NCOA2: variants seen among roughly 807,000 people sequenced by gnomAD.
The protein encoded by NCOA2 is nuclear receptor coactivator 2, also known as class E basic helix-loop-helix protein 75.
NCOA2 carries 21 observed loss-of-function variants against 145.1 expected under a neutral mutation model. The observed-to-expected ratio is 0.14, with a 90% CI of 0.10 to 0.21. NCOA2 has a LOEUF of 0.21. Ranked by LOEUF, NCOA2 falls within the 10% of genes least tolerant of loss-of-function variation. The pLI, the probability that NCOA2 is intolerant of heterozygous loss-of-function variation, is 1.00. For missense variants in NCOA2, 1,472 were observed against 1,837.6 expected (o/e 0.80, Z 3.64); for synonymous variants, 619 against 637.5 (o/e 0.97, Z 0.44).
rs989061068 is a variant in NCOA2, at chr8:70,170,239, G to A, written c.504C>T (p.His168=). Reference sequence around the variant, plus strand: ...GCAGCAGGTTTTTGACAAATTCCGTGTGGTCCCCAACATGCAAGATGCTAT... The same window carrying A: ...GCAGCAGGTTTTTGACAAATTCCGTATGGTCCCCAACATGCAAGATGCTAT... ...SVYSILHVGD[H]TEFVKNLLPK... The change falls in exon 6 of 23, where the codon CAC becomes CAT. Residue 168 remains histidine, a synonymous_variant. Coordinates refer to ENST00000452400, the MANE Select transcript of NCOA2 (RefSeq NM_006540.4). 9 of 1,613,472 alleles carry A rather than the reference G, an allele frequency of 5.6e-6. No individual in the cohort carries two copies. Among genetic ancestry groups the A allele is most frequent in the Non-Finnish European group, 7.6e-6 (9 of 1,179,732 alleles).
chr8:70,443,621 C>T, the NCOA2 span, among the ~76,000 whole-genome samples: 3 of 152,028 alleles, frequency 2.0e-5, no homozygotes, highest in African/African-American at 7.2e-5. Flanking sequence ...AGTGCACTGG[C>T]ATGATCAGAC....
At chr8:70,278,530 T>G (rs541824750) in intron 2 of NCOA2, among the ~76,000 whole-genome samples, 1 of 152,146 alleles carries the variant, frequency 6.6e-6, no homozygotes, top group Non-Finnish European at 1.5e-5. Context: ...AGTCACTTCC[T>G]AGAATCCGCT....
chr8:70,130,463 T>C (rs1179962570), intron 16 of NCOA2, among the ~76,000 whole-genome samples: 3 of 152,124 alleles, frequency 2.0e-5, no homozygotes, highest in South Asian at 2.1e-4. Context: ...AAGGATAAAA[T>C]AGTACTGAGG....
intron 11 of NCOA2, among the ~76,000 whole-genome samples, chr8:70,150,054 T>G (rs1811569213): frequency 6.6e-6 from 1 of 152,234 alleles, no homozygotes; most frequent in African/African-American, 2.4e-5. Flanking sequence ...ATTGGAAATA[T>G]TTCTCAAGTT....
intron 1 of NCOA2, among the ~76,000 whole-genome samples, chr8:70,335,210 C>T (rs1471791145): frequency 6.8e-6 from 1 of 146,230 alleles, no homozygotes; most frequent in Non-Finnish European, 1.5e-5. Flanking sequence ...TTCATTTCTG[C>T]TTCCATGATC....
chr8:70,337,200 A>AGT (rs72265721), intron 1 of NCOA2, among the ~76,000 whole-genome samples: 6,612 of 146,270 alleles, frequency 0.045, 177 homozygotes, highest in African/African-American at 0.076. Flanking sequence ...ACTGCTGAGG[A>AGT]GTGTGTGTGT....
intron 1 of NCOA2, among the ~76,000 whole-genome samples, chr8:70,387,812 T>C (rs913522192): frequency 1.3e-5 from 2 of 152,168 alleles, no homozygotes; most frequent in African/African-American, 4.8e-5. Context: ...TTTCATCCAC[T>C]GAACTTCTGC....
chr8:70,113,856 C>CTATTTCTCG lies in NCOA2; in HGVS notation c.4384-214_4384-213insCGAGAAATA, dbSNP rs1806784369. ...ACGCTTCCAGGAGCCAAGGAGGAGC[C>CTATTTCTCG]CAGCGAATCCTACATGCTATTTCTC... On this transcript the variant is annotated intron_variant, in intron 22 of 22. Transcript: ENST00000452400. Among the ~76,000 whole-genome samples, 5 of 152,258 alleles carry CTATTTCTCG rather than the reference C, an allele frequency of 3.3e-5. No individual in the cohort carries two copies. The South Asian group carries it at 1.0e-3, about 32-fold the overall frequency.
chr8:70,443,647 C>A, the NCOA2 span, among the ~76,000 whole-genome samples: 1 of 152,072 alleles, frequency 6.6e-6, no homozygotes, highest in Non-Finnish European at 1.5e-5. Flanking sequence ...TTTACTGCAG[C>A]CTTGAACTTC....
intron 2 of NCOA2, among the ~76,000 whole-genome samples, chr8:70,252,438 G>T (rs1364376670): frequency 1.3e-5 from 2 of 152,108 alleles, no homozygotes; most frequent in Non-Finnish European, 2.9e-5. Flanking sequence ...AAAATAAAAC[G>T]TTAGAGGGAA....
At chr8:70,207,650 G>T (rs1177730411) in intron 4 of NCOA2, among the ~76,000 whole-genome samples, 2 of 151,972 alleles carry the variant, frequency 1.3e-5, no homozygotes, top group African/African-American at 4.8e-5. Flanking sequence ...GATCACCTTA[G>T]GTTAGGAGTT....
At chr8:70,305,660 G>GA (rs539020441) in intron 1 of NCOA2, among the ~76,000 whole-genome samples, 152 of 151,796 alleles carry the variant, frequency 1.0e-3, no homozygotes, top group Non-Finnish European at 1.6e-3. Context: ...ATTTTAAACA[G>GA]AAAAAAAATT....
At chr8:70,315,412 TCCA>T (rs1563755001) in intron 1 of NCOA2, among the ~76,000 whole-genome samples, 1 of 152,216 alleles carries the variant, frequency 6.6e-6, no homozygotes, top group East Asian at 1.9e-4. Flanking sequence ...TTCTTTCATG[TCCA>T]CGCCTTCTAA....
At chr8:70,442,143 GAAA>G in the NCOA2 span, among the ~76,000 whole-genome samples, 1 of 127,428 alleles carries the variant, frequency 7.8e-6, no homozygotes, top group African/African-American at 3.8e-5. Flanking sequence ...AAGAAAGAAA[GAAA>G]GAAAGAAAGA....
chr8:70,392,348 G>C (rs1455193085), intron 1 of NCOA2, among the ~76,000 whole-genome samples: 3 of 152,204 alleles, frequency 2.0e-5, no homozygotes, highest in Non-Finnish European at 4.4e-5. Flanking sequence ...AACGTTCATT[G>C]GTTGGTGGCA....
intron 4 of NCOA2, among the ~76,000 whole-genome samples, chr8:70,178,559 C>G (rs1815118149): frequency 6.6e-6 from 1 of 152,148 alleles, no homozygotes; most frequent in Admixed American, 6.5e-5. Context: ...TGTGTCTGGT[C>G]TGTGGCCTGC....
In NCOA2 at chr8:70,307,957, T is replaced by C. The variant is rs12678384; in HGVS notation, c.-76-11157A>G. Among the ~76,000 whole-genome samples, 2,838 of 152,314 alleles carry C rather than the reference T, an allele frequency of 0.019. 344 individuals are homozygous for C. In the East Asian group the frequency reaches 0.34, roughly 18 times the overall value. On this transcript the variant is annotated intron_variant, in intron 1 of 22. Coordinates refer to ENST00000452400, the MANE Select transcript of NCOA2 (RefSeq NM_006540.4). ...AACATACTAAACTGGCTGCTTTTCA[T>C]AGGAGCCATTAACCAAGTTAACATT... is the stretch of plus-strand genomic sequence containing the variant.
At chr8:70,142,251 T>C (rs1810523382) in intron 13 of NCOA2, among the ~76,000 whole-genome samples, 1 of 152,238 alleles carries the variant, frequency 6.6e-6, no homozygotes, top group Non-Finnish European at 1.5e-5. Flanking sequence ...AAGGTTCTGC[T>C]TTCAAATATA....
At chr8:70,155,823 C>A (rs971021027) in intron 11 of NCOA2, 148 bp downstream of exon 11, 7 of 693,138 alleles carry the variant, frequency 1.0e-5, no homozygotes, top group Admixed American at 3.3e-5. Context: ...ATTTGAAACA[C>A]ACAGCTTCAG....
Sources: gnomAD v4.1 joint callset for allele counts (sites outside exome capture counted in the v4.1 genomes callset) on GRCh38, gnomAD v4.1.1 for gene constraint, MANE v1.5 for transcripts, NCBI Gene and HGNC (gene_info 2026-07-23, HGNC 2026-07-21) for gene names.